EYS: variants seen among roughly 807,000 people sequenced by gnomAD.
EYS encodes the protein protein eyes shut homolog.
In EYS, 250 loss-of-function variants were observed where a neutral mutation model predicts 282.1. The ratio of observed to expected loss-of-function variants is 0.89; its 90% CI spans 0.80 to 0.98. EYS has a LOEUF of 0.98. EYS is among the 50% of genes least tolerant of loss of function. The pLI is 0.00. For synonymous variants in EYS, 1,355 were observed against 1,282.9 expected (o/e 1.06, Z -1.20); for missense variants, 4,016 against 3,709.0 (o/e 1.08, Z -2.15).
intron 2 of EYS, among the ~76,000 whole-genome samples, chr6:65,627,031 T>TTCTC (rs1399113370): frequency 1.4e-5 from 2 of 146,358 alleles, no homozygotes; most frequent in South Asian, 4.4e-4. Flanking sequence ...TTCTTTCTCT[T>TTCTC]TCTTTCTCTC....
intron 14 of EYS, among the ~76,000 whole-genome samples, chr6:64,975,096 A>G (rs1770430885): frequency 6.6e-6 from 1 of 151,810 alleles, no homozygotes; most frequent in Non-Finnish European, 1.5e-5. Context: ...TATTTCTCTG[A>G]AAATTGCATT....
At chr6:65,403,363 C>T (rs1766591394) in intron 6 of EYS, among the ~76,000 whole-genome samples, 2 of 152,018 alleles carry the variant, frequency 1.3e-5, no homozygotes, top group South Asian at 4.1e-4. Flanking sequence ...CTTCCTCTTG[C>T]TGTCCTCCTT....
intron 12 of EYS, among the ~76,000 whole-genome samples, chr6:65,272,324 T>C (rs1033523538): frequency 1.3e-5 from 2 of 152,238 alleles, no homozygotes; most frequent in Non-Finnish European, 2.9e-5. Context: ...AGTGTTCCCT[T>C]GACTTTGACC....
At chr6:64,408,514 C>T (rs994217056) in intron 28 of EYS, among the ~76,000 whole-genome samples, 7 of 152,070 alleles carry the variant, frequency 4.6e-5, no homozygotes, top group Admixed American at 3.9e-4. Context: ...GTAGTGATTC[C>T]AAGACTTGAG....
At chr6:64,816,354 G>C (rs932958287) in intron 21 of EYS, among the ~76,000 whole-genome samples, 42 of 152,188 alleles carry the variant, frequency 2.8e-4, no homozygotes, top group African/African-American at 9.4e-4. Context: ...GCAAGCTGCA[G>C]GATTGGGCAA....
At chr6:64,526,376 T>C (rs1777920720) in intron 26 of EYS, among the ~76,000 whole-genome samples, 2 of 151,868 alleles carry the variant, frequency 1.3e-5, no homozygotes. Context: ...TATCATCTCT[T>C]ACAATTGTGT....
chr6:64,691,988 C>G lies in EYS; in HGVS notation c.3444-65743G>C, dbSNP rs1324787780. On this transcript the variant is annotated intron_variant, in intron 22 of 42. Transcript: ENST00000503581. ...GAGTCCATGTGTCTTTTTGGTAGAC[C>G]AATTTATTTTCTTGTGGATATATAC... Among the ~76,000 whole-genome samples, 6 of 151,926 alleles carry G rather than the reference C, an allele frequency of 3.9e-5. No individual in the cohort carries two copies. In the East Asian group the frequency reaches 1.2e-3, roughly 29 times the overall value.
intron 8 of EYS, among the ~76,000 whole-genome samples, chr6:65,367,390 C>T (rs771857963): frequency 4.6e-5 from 7 of 151,214 alleles, no homozygotes; most frequent in Non-Finnish European, 8.8e-5. Context: ...CCATAGCAGG[C>T]GAATTTTTAA....
At chr6:64,081,797 A>G (rs1771978369) in intron 32 of EYS, 59 bp downstream of exon 32, 2 of 1,274,484 alleles carry the variant, frequency 1.6e-6, no homozygotes, top group Non-Finnish European at 2.1e-6. Flanking sequence ...CATTGATTCA[A>G]TAGATCAACG....
At chr6:64,525,893 T>G (rs1233161868) in intron 26 of EYS, among the ~76,000 whole-genome samples, 1 of 151,680 alleles carries the variant, frequency 6.6e-6, no homozygotes, top group Non-Finnish European at 1.5e-5. Context: ...AAATGAAAAT[T>G]TGTGTTCACA....
intron 31 of EYS, among the ~76,000 whole-genome samples, chr6:64,152,104 C>T (rs1174533784): frequency 6.6e-6 from 1 of 151,938 alleles, no homozygotes; most frequent in African/African-American, 2.4e-5. Context: ...TTATTTTTAT[C>T]TTGTTTACTC....
At chr6:64,212,499 C>T (rs1205309808) in intron 31 of EYS, among the ~76,000 whole-genome samples, 2 of 151,136 alleles carry the variant, frequency 1.3e-5, no homozygotes, top group African/African-American at 4.9e-5. Flanking sequence ...TACACTCATA[C>T]ATATATGATT....
At chr6:64,481,274 GTA>G (rs61390164) in intron 26 of EYS, among the ~76,000 whole-genome samples, 2,814 of 140,462 alleles carry the variant, frequency 0.02, 78 homozygotes, top group African/African-American at 0.062. Context: ...GTGTGTGTGT[GTA>G]TATATATATA....
rs958734685 is a variant in EYS, at chr6:64,306,978, G to A, written c.6183C>T (p.Asn2061=). ...PSKAVKNYHI[N]NCRSQGFMLS... Reference sequence around the variant, plus strand: ...CACTACTGCTATTTTACCTGCAATTGTTAATGTGATAGTTTTTCACTGCCT... The same window carrying A: ...CACTACTGCTATTTTACCTGCAATTATTAATGTGATAGTTTTTCACTGCCT... The change falls in exon 30 of 43, where the codon AAC becomes AAT. Residue 2061 remains asparagine (N), a synonymous_variant. Transcript: ENST00000503581. The A allele has an allele frequency of 4.1e-6, 6 of 1,473,162 alleles. No individual in the cohort carries two copies. The highest frequency in any genetic ancestry group is 1.8e-4 in the Middle Eastern group (1 of 5,474). 91.3% of individuals were successfully genotyped at this position (1,473,162 alleles called of 1,614,324 possible).
intron 12 of EYS, among the ~76,000 whole-genome samples, chr6:65,183,537 C>T (rs1765443434): frequency 6.6e-6 from 1 of 151,722 alleles, no homozygotes; most frequent in South Asian, 2.1e-4. Flanking sequence ...TTTGGAAATA[C>T]AGTATGTTCT....
At chr6:64,989,332 T>C (rs1770969199) in intron 14 of EYS, among the ~76,000 whole-genome samples, 1 of 144,438 alleles carries the variant, frequency 6.9e-6, no homozygotes, top group South Asian at 2.1e-4. Flanking sequence ...GATCATTCTC[T>C]ATCAGTTCAA....
chr6:64,656,534 G>A lies in EYS; in HGVS notation c.3444-30289C>T, dbSNP rs192703872. Among the ~76,000 whole-genome samples the A allele has an allele frequency of 7.9e-3, 1,208 of 152,230 alleles. 5 individuals are homozygous for A. Among genetic ancestry groups the A allele is most frequent in the Non-Finnish European group, 0.012 (843 of 67,994 alleles). On this transcript the variant is annotated intron_variant, in intron 22 of 42. Coordinates refer to ENST00000503581, the MANE Select transcript of EYS (RefSeq NM_001142800.2). ...GGAGATATAAAACACACCTAAAGTTGAGTAAGTTGGTAGATGAAAGAGAAT... is the reference window on the plus strand; with the variant it reads ...GGAGATATAAAACACACCTAAAGTTAAGTAAGTTGGTAGATGAAAGAGAAT...
At chr6:65,091,326 T>G (rs1254099225) in intron 12 of EYS, among the ~76,000 whole-genome samples, 1 of 148,680 alleles carries the variant, frequency 6.7e-6, no homozygotes, top group East Asian at 2.0e-4. Context: ...GGTAGGCACC[T>G]GTAATCCCAG....
At chr6:64,495,639 CAGAT>C (rs1196805612) in intron 26 of EYS, among the ~76,000 whole-genome samples, 1 of 151,810 alleles carries the variant, frequency 6.6e-6, no homozygotes, top group Non-Finnish European at 1.5e-5. Context: ...AACAGTGTAA[CAGAT>C]GGAGTCAATT....
Sources: gnomAD v4.1 joint callset for allele counts (sites outside exome capture counted in the v4.1 genomes callset) on GRCh38, gnomAD v4.1.1 for gene constraint, MANE v1.5 for transcripts, NCBI Gene and HGNC (gene_info 2026-07-23, HGNC 2026-07-21) for gene names.